ETS1: variants seen among roughly 807,000 people sequenced by gnomAD.
ETS1 encodes protein C-ets-1.
ETS1 carries 15 observed loss-of-function variants against 58.6 expected under a neutral mutation model. The ratio of observed to expected loss-of-function variants is 0.26; its 90% CI spans 0.17 to 0.39. The LOEUF is 0.39. ETS1 is among the 10% of genes least tolerant of loss of function. The probability of loss-of-function intolerance (pLI) is 1.00; values close to 1 mark genes in which losing one functional copy is unlikely to be tolerated. For synonymous variants in ETS1, 214 were observed against 218.2 expected, an observed-to-expected ratio of 0.98 and a Z score of 0.17; for missense variants, 417 against 610.5, an observed-to-expected ratio of 0.68 and a Z score of 3.34.
chr11:128,484,557 A>G (rs1862573767), intron 7 of ETS1, among the ~76,000 whole-genome samples: 1 of 152,130 alleles, frequency 6.6e-6, no homozygotes, highest in African/African-American at 2.4e-5. Flanking sequence ...TGAGTAAAAC[A>G]TTTTGCCCAA....
At chr11:128,568,511 T>G (rs1224043838) in intron 2 of ETS1, among the ~76,000 whole-genome samples, 1 of 152,062 alleles carries the variant, frequency 6.6e-6, no homozygotes, top group Admixed American at 6.5e-5. Context: ...CCTGGAAAGG[T>G]CATCCCTCCC....
intron 3 of ETS1, among the ~76,000 whole-genome samples, chr11:128,493,099 C>T (rs1185955001): frequency 1.3e-5 from 2 of 152,172 alleles, no homozygotes; most frequent in African/African-American, 4.8e-5. Context: ...ATGTGGAAAA[C>T]ACAGGCCAGG....
rs1864200053 is a variant in ETS1, at chr11:128,549,715, AT to A, written c.214+6575del. Among the ~76,000 whole-genome samples, 1 of 151,992 alleles carries A rather than the reference AT, an allele frequency of 6.6e-6. No homozygotes were observed. The highest frequency in any genetic ancestry group is 2.4e-5 in the African/African-American group (1 of 41,360). ...TCCTTCCCGGGGACCTAAAGGGGTG[AT>A]TTACATTTGTAAAGGCCTTTCCAAG... On this transcript the variant is annotated intron_variant, in intron 3 of 9. Coordinates refer to ENST00000392668, the MANE Select transcript of ETS1 (RefSeq NM_001143820.2). This position sits in a 1 kb window ranked among gnomAD's most constrained non-coding sequence, Gnocchi z 4.3.
intron 3 of ETS1, among the ~76,000 whole-genome samples, chr11:128,495,578 T>C (rs35258135): frequency 1.3e-5 from 2 of 152,196 alleles, no homozygotes; most frequent in Non-Finnish European, 2.9e-5. Flanking sequence ...ACTTTGCATA[T>C]AACAGAAGTT....
At chr11:128,496,455 T>C (rs1023115871) in intron 3 of ETS1, among the ~76,000 whole-genome samples, 3 of 152,108 alleles carry the variant, frequency 2.0e-5, no homozygotes, top group Non-Finnish European at 2.9e-5. Context: ...AGAAGGGCAG[T>C]GTGAAAGGTA....
chr11:128,546,778 C>G (rs1297739036), intron 3 of ETS1, among the ~76,000 whole-genome samples: 1 of 152,172 alleles, frequency 6.6e-6, no homozygotes, highest in South Asian at 2.1e-4. Flanking sequence ...GCACCCCTAT[C>G]CCCTTTAGGG....
chr11:128,558,649 C>CAAAAA (rs201114905), intron 2 of ETS1, among the ~76,000 whole-genome samples: 71 of 103,374 alleles, frequency 6.9e-4, no homozygotes, highest in Non-Finnish European at 9.5e-4. Flanking sequence ...ATATCCATCC[C>CAAAAA]AAAAAAAAAA....
intron 1 of ETS1, among the ~76,000 whole-genome samples, 179 bp from the exon 2 acceptor site, chr11:128,573,323 C>T (rs1033024240): frequency 8.5e-5 from 13 of 152,246 alleles, no homozygotes; most frequent in Admixed American, 4.6e-4. Context: ...CCCCCAGCAC[C>T]GGTAAGAGCA....
intron 7 of ETS1, among the ~76,000 whole-genome samples, chr11:128,483,579 G>A (rs959414313): frequency 1.2e-4 from 18 of 152,126 alleles, no homozygotes; most frequent in Non-Finnish European, 2.1e-4. Flanking sequence ...CATCCCCTTC[G>A]GTCTGAAACA....
intron 8 of ETS1, among the ~76,000 whole-genome samples, chr11:128,475,870 A>G (rs192914593): frequency 1.4e-5 from 2 of 140,376 alleles, no homozygotes; most frequent in African/African-American, 5.5e-5. Context: ...TTTTCCTGCA[A>G]GACTAGTACC....
chr11:128,475,614 C>A (rs61909069), intron 8 of ETS1, among the ~76,000 whole-genome samples: 15,504 of 131,868 alleles, frequency 0.12, 1,143 homozygotes, highest in Middle Eastern at 0.21. Flanking sequence ...CTGGAGTGTG[C>A]GATCTCGGCT....
chr11:128,496,542 T>C (rs1862946536), intron 3 of ETS1, among the ~76,000 whole-genome samples: 1 of 151,996 alleles, frequency 6.6e-6, no homozygotes, highest in Admixed American at 6.6e-5. Context: ...CCAACACAAA[T>C]AGAGAAATGG....
intron 3 of ETS1, chr11:128,522,379 C>T: frequency 4.0e-6 from 4 of 987,842 alleles, no homozygotes; most frequent in Non-Finnish European, 4.8e-6. Context: ...CTCGCGGCGC[C>T]GCGTCTCGGC....
rs532680738 is a variant in ETS1, at chr11:128,495,498, T to C, written c.215-4922A>G. On this transcript the variant is annotated intron_variant, in intron 3 of 9. Coordinates refer to ENST00000392668, the MANE Select transcript of ETS1 (RefSeq NM_001143820.2). ...CTCAGGCAACTGAGGCTTCCTTCCA[T>C]ATGAAGCAAATGAGTTAAGTGAAAA... is the stretch of plus-strand genomic sequence containing the variant. 2.1e-3 allele frequency among the ~76,000 whole-genome samples: 318 copies of C among 152,332 alleles called. 2 individuals carry two copies. The highest frequency in any genetic ancestry group is 3.4e-3 in the Middle Eastern group (1 of 294).
intron 3 of ETS1, among the ~76,000 whole-genome samples, chr11:128,524,878 T>C (rs894205662): frequency 1.3e-5 from 2 of 152,138 alleles, no homozygotes; most frequent in Admixed American, 6.5e-5. Flanking sequence ...CCCTTCATAG[T>C]AGAGCAGAAC....
At chr11:128,538,110 C>T (rs946645941) in intron 3 of ETS1, among the ~76,000 whole-genome samples, 9 of 151,296 alleles carry the variant, frequency 5.9e-5, no homozygotes, top group Non-Finnish European at 8.8e-5. Context: ...TGAAACTTAC[C>T]GAAGAAAATA....
chr11:128,502,009 G>A (rs1172484204), intron 3 of ETS1, among the ~76,000 whole-genome samples: 1 of 149,632 alleles, frequency 6.7e-6, no homozygotes, highest in Admixed American at 6.7e-5. Flanking sequence ...GTGGGGTGGA[G>A]AGAGAGAGAG....
rs80295753 is a variant in ETS1 at position 128,526,537 on chromosome 11, C to T, written c.214+29754G>A. 2.6e-3 allele frequency: 556 copies of T among 217,874 alleles called. 3 individuals are homozygous for T. The highest frequency in any genetic ancestry group is 7.1e-3 in the Middle Eastern group (4 of 562). 13.5% of individuals were successfully genotyped at this position (217,874 alleles called of 1,614,324 possible). A position where few individuals can be genotyped will look rare whatever the true frequency, so the allele number is the denominator to read the frequency against. ...ACATTAAATGTCTGTCTACAGCCAT[C>T]TCTTTGCAGAATAGCTTGGATGCTC... is the stretch of plus-strand genomic sequence containing the variant. On this transcript the variant is annotated intron_variant, in intron 3 of 9. Coordinates refer to ENST00000392668, the MANE Select transcript of ETS1 (RefSeq NM_001143820.2).
chr11:128,545,021 G>GT (rs1342579989), intron 3 of ETS1, among the ~76,000 whole-genome samples: 3 of 147,930 alleles, frequency 2.0e-5, no homozygotes, highest in East Asian at 2.0e-4. Flanking sequence ...CTGGTTGGGG[G>GT]TGGGGGGGGC....
Sources: gnomAD v4.1 joint callset for allele counts (sites outside exome capture counted in the v4.1 genomes callset) on GRCh38, gnomAD v4.1.1 for gene constraint, Gnocchi (gnomAD v3.1) non-coding constraint, MANE v1.5 for transcripts, NCBI Gene and HGNC (gene_info 2026-07-23, HGNC 2026-07-21) for gene names.